SEC63: variants seen among roughly 807,000 people sequenced by gnomAD.
SEC63 encodes the protein translocation protein SEC63 homolog.
Under a neutral mutation model 116.2 loss-of-function variants are expected in SEC63, and 56 were observed. The ratio of observed to expected loss-of-function variants is 0.48; its 90% confidence interval spans 0.39 to 0.60. The LOEUF (loss-of-function observed/expected upper bound fraction) is 0.60, where lower values mean the gene tolerates loss of function less well. Ranked by LOEUF, SEC63 falls within the 20% of genes least tolerant of loss-of-function variation. The pLI is 0.00. For missense variants in SEC63, 668 were observed against 900.0 expected (o/e 0.74, Z 3.30); for synonymous variants, 273 against 294.6 (o/e 0.93, Z 0.75).
intron 19 of SEC63, among the ~76,000 whole-genome samples, chr6:107,874,595 C>CAAA (rs35096526): frequency 4.8e-4 from 31 of 64,496 alleles, no homozygotes; most frequent in African/African-American, 1.2e-3. Flanking sequence ...GACTCTGTCT[C>CAAA]AAAAAAAAAA....
At chr6:107,935,251 G>A (rs1770202334) in intron 1 of SEC63, among the ~76,000 whole-genome samples, 1 of 151,760 alleles carries the variant, frequency 6.6e-6, no homozygotes, top group Admixed American at 6.6e-5. Context: ...TGGGAAGTGA[G>A]GAGCCCCTCT....
At chr6:107,905,636 T>A (rs769652520) in intron 10 of SEC63, among the ~76,000 whole-genome samples, 1 of 152,188 alleles carries the variant, frequency 6.6e-6, no homozygotes, top group African/African-American at 2.4e-5. Context: ...TAAATAACTA[T>A]AAAACAGACA....
rs774365082 is a variant in SEC63 at position 107,868,825 on chromosome 6, T to C, written c.*2879A>G. The C allele has an allele frequency of 4.6e-5, 7 of 152,296 alleles. No individual in the cohort carries two copies. The highest frequency in any genetic ancestry group is 1.0e-4 in the Non-Finnish European group (7 of 68,020). 9.4% of individuals were successfully genotyped at this position (152,296 alleles called of 1,614,324 possible). A position where few individuals can be genotyped will look rare whatever the true frequency, so the allele number is the denominator to read the frequency against. ...GTATCCAGTCACAGAGCCTGGCACA[T>C]AGAAACTCAGTAAATATGTGATGAA... On this transcript the variant is annotated 3_prime_UTR_variant, in exon 21 of 21. Coordinates refer to ENST00000369002, the MANE Select transcript of SEC63 (RefSeq NM_007214.5).
Position 107,883,025 on chromosome 6 carries a change from C to G in SEC63, c.1796G>C (p.Arg599Thr). 1 of 1,612,376 alleles carries G rather than the reference C, an allele frequency of 6.2e-7. No homozygotes were observed. The highest frequency in any genetic ancestry group is 8.5e-7 in the Non-Finnish European group (1 of 1,179,282). Residue 599 changes from arginine to threonine, a missense_variant, in exon 17 of 21, where the codon AGA becomes ACA. Arg to Thr is a moderately conservative substitution (Grantham distance 71, BLOSUM62 -1). Around this residue, in one of 5 missense-constraint regions of SEC63, gnomAD observed 430 missense variants for 557.5 expected, o/e 0.77. Transcript: ENST00000369002. ...TTTGTTTTGTTTTTCATCTTGCTCT[C>G]TATCAGAGTCTCTGTCACTACCATC... ...KDDGSDRDSDREQDEKQNKDD... is the reference protein window; with the variant it reads ...KDDGSDRDSDTEQDEKQNKDD...
At chr6:107,908,300 A>G (rs1326354923) in intron 8 of SEC63, among the ~76,000 whole-genome samples, 4 of 151,634 alleles carry the variant, frequency 2.6e-5, no homozygotes, top group Non-Finnish European at 5.9e-5. Context: ...TAAACTGCAA[A>G]GTTTGCTTTA....
intron 1 of SEC63, among the ~76,000 whole-genome samples, chr6:107,953,922 C>T (rs1274851041): frequency 1.3e-5 from 2 of 149,288 alleles, no homozygotes; most frequent in Non-Finnish European, 3.0e-5. Context: ...CCTACTGGGA[C>T]GTGAGGAGCC....
At position 107,910,541 on chromosome 6, in the gene SEC63, A is replaced by G. The variant is rs1167351706; in HGVS notation, c.624+805T>C. Among the ~76,000 whole-genome samples, 3 of 144,740 alleles carry G rather than the reference A, an allele frequency of 2.1e-5. No individual in the cohort carries two copies. The East Asian group carries it at 5.8e-4, about 28-fold the overall frequency. 95.0% of individuals were successfully genotyped at this position (144,740 alleles called of 152,430 possible). ...ATATATACATATATGCATGTCATAC[A>G]TATATACATATATGCATGTCATACA... On this transcript the variant is annotated intron_variant, in intron 7 of 20. Coordinates refer to ENST00000369002, the MANE Select transcript of SEC63 (RefSeq NM_007214.5).
At chr6:107,928,014 C>T (rs763617110) in intron 2 of SEC63, among the ~76,000 whole-genome samples, 2 of 151,918 alleles carry the variant, frequency 1.3e-5, no homozygotes, top group Non-Finnish European at 2.9e-5. Flanking sequence ...GGGGGAGGGG[C>T]GGATTGTTTT....
Position 107,929,410 on chromosome 6 carries a change from C to T in SEC63, c.224+5G>A. Reference sequence around the variant, plus strand: ...TAGGTTTTTTTCTTGAAATCCATTACTTACTTTACTGTAGGAATAATATTT... The same window carrying T: ...TAGGTTTTTTTCTTGAAATCCATTATTTACTTTACTGTAGGAATAATATTT... On this transcript the variant is annotated splice_donor_5th_base_variant and intron_variant, in intron 2 of 20. Transcript: ENST00000369002. The T allele has an allele frequency of 6.8e-7, 1 of 1,480,470 alleles. No individual in the cohort carries two copies. The highest frequency in any genetic ancestry group is 9.4e-7 in the Non-Finnish European group (1 of 1,058,784). The allele number at this position is 1,480,470 out of a possible 1,614,324, so 91.7% of individuals were successfully genotyped here.
chr6:107,881,331 A>T, intron 17 of SEC63, 81 bp from the exon 18 acceptor site: 2 of 930,670 alleles, frequency 2.1e-6, no homozygotes, highest in Non-Finnish European at 3.4e-6. Flanking sequence ...TATTCCTGAC[A>T]ATGCTAATTA....
intron 1 of SEC63, among the ~76,000 whole-genome samples, chr6:107,938,265 T>TTTTG (rs1770298992): frequency 6.8e-6 from 1 of 147,252 alleles, no homozygotes; most frequent in Non-Finnish European, 1.5e-5. Context: ...TTTTTTTTTT[T>TTTTG]GAGACAGGGT....
chr6:107,933,270 C>A (rs1787852589), intron 1 of SEC63, among the ~76,000 whole-genome samples: 1 of 151,958 alleles, frequency 6.6e-6, no homozygotes, highest in African/African-American at 2.4e-5. Context: ...TGACTTTGGC[C>A]CAAAGAAACT....
intron 1 of SEC63, among the ~76,000 whole-genome samples, chr6:107,936,140 T>G (rs754827883): frequency 1.6e-4 from 24 of 152,284 alleles, no homozygotes; most frequent in Admixed American, 1.3e-4. Context: ...GATGTTCTAC[T>G]GTTCCTGGCC....
chr6:107,870,462 A>G lies in SEC63; in HGVS notation c.*1242T>C, dbSNP rs545142076. 4 of 152,744 alleles carry G rather than the reference A, an allele frequency of 2.6e-5. No homozygotes were observed. The highest frequency in any genetic ancestry group is 9.6e-5 in the African/African-American group (4 of 41,586). The allele number at this position is 152,744 out of a possible 1,614,324, so 9.5% of individuals were successfully genotyped here. A position where few individuals can be genotyped will look rare whatever the true frequency, so the allele number is the denominator to read the frequency against. Reference sequence around the variant, plus strand: ...TGACCTATGGAGATTTTGATAGGAAAGAATTATTACAATCAGTTTTATAAT... The same window carrying G: ...TGACCTATGGAGATTTTGATAGGAAGGAATTATTACAATCAGTTTTATAAT... On this transcript the variant is annotated 3_prime_UTR_variant, in exon 21 of 21. Coordinates refer to ENST00000369002, the MANE Select transcript of SEC63 (RefSeq NM_007214.5).
intron 3 of SEC63, 73 bp from the exon 4 acceptor site, chr6:107,921,982 A>G (rs1583758460): frequency 1.1e-6 from 1 of 886,358 alleles, no homozygotes; most frequent in East Asian, 2.4e-5. Context: ...AGAAATAATC[A>G]ATCCTATTTT....
intron 16 of SEC63, among the ~76,000 whole-genome samples, chr6:107,886,079 A>C (rs1030747390): frequency 1.2e-4 from 18 of 151,824 alleles, no homozygotes; most frequent in African/African-American, 4.4e-4. Context: ...TCATTGTTCA[A>C]CTCCCACTTA....
In SEC63 at chr6:107,871,633, T is replaced by A; in HGVS notation, c.*71A>T. 7 of 1,484,190 alleles carry A rather than the reference T, an allele frequency of 4.7e-6. No homozygotes were observed. The highest frequency in any genetic ancestry group is 6.6e-6 in the Non-Finnish European group (7 of 1,066,772). 91.9% of individuals were successfully genotyped at this position (1,484,190 alleles called of 1,614,324 possible). A position where few individuals can be genotyped will look rare whatever the true frequency, so the allele number is the denominator to read the frequency against. On this transcript the variant is annotated 3_prime_UTR_variant, in exon 21 of 21. Coordinates refer to ENST00000369002, the MANE Select transcript of SEC63 (RefSeq NM_007214.5). ...ACATCAGTTCTGTACTGTTTCTGGT[T>A]TATGATACACTTCCAAAACAGCAAA...
At chr6:107,908,874 C>T in intron 8 of SEC63, 53 bp downstream of exon 8, 3 of 985,408 alleles carry the variant, frequency 3.0e-6, no homozygotes, top group Non-Finnish European at 4.8e-6. Context: ...ATCAACCCCA[C>T]ATAAGTCACA....
At chr6:107,878,981 A>G (rs1185384492) in intron 18 of SEC63, among the ~76,000 whole-genome samples, 1 of 152,230 alleles carries the variant, frequency 6.6e-6, no homozygotes, top group Non-Finnish European at 1.5e-5. Flanking sequence ...TTTAGACAAA[A>G]TTGTTTTTCT....
Sources: allele counts gnomAD v4.1 joint callset (sites outside exome capture counted in the v4.1 genomes callset), GRCh38; gene constraint gnomAD v4.1.1; regional missense constraint gnomAD v4.1.1; transcripts MANE v1.5; gene names NCBI Gene and HGNC (gene_info 2026-07-23, HGNC 2026-07-21).